Variants in AXDND1 observed in about 807,000 individuals in gnomAD.
AXDND1 encodes the protein axonemal dynein light chain domain-containing protein 1.
A neutral mutation model predicts 137.5 loss-of-function variants in AXDND1; 110 were observed. The ratio of observed to expected loss-of-function variants is 0.80; its 90% CI spans 0.69 to 0.94. The LOEUF is 0.94. Among genes scored for constraint, AXDND1 ranks in the 40% least tolerant of loss-of-function variants. The pLI is 0.00. For synonymous variants in AXDND1, 414 were observed against 399.7 expected, an observed-to-expected ratio of 1.04 and a Z score of -0.43; for missense variants, 1,191 against 1,169.8, an observed-to-expected ratio of 1.02 and a Z score of -0.26.
chr1:179,439,273 A>C (rs1298503175), intron 15 of AXDND1, among the ~76,000 whole-genome samples: 1 of 152,192 alleles, frequency 6.6e-6, no homozygotes, highest in Middle Eastern at 3.2e-3. Flanking sequence ...CACCAGTTAC[A>C]TTAATAGAAC....
At chr1:179,552,646 G>A in intron 25 of AXDND1, 2 of 1,614,012 alleles carry the variant, frequency 1.2e-6, no homozygotes, top group African/African-American at 1.3e-5. Context: ...CACAGCCAGT[G>A]AGTGCTGAAG....
chr1:179,483,167 G>A lies in AXDND1; in HGVS notation c.2037G>A (p.Trp679Ter). ...QAYIFNMIQQWLLKIGNEINN... is the reference protein window; with the variant it reads ...QAYIFNMIQQ ...ATATATTTAACATGATTCAACAATG[G>A]CTTTTGAAGATAGGCAATGAAATTA... Residue 679 changes from tryptophan to a stop codon, truncating the protein, a stop_gained, in exon 18 of 26, where the codon TGG becomes TGA. Coordinates refer to ENST00000367618, the MANE Select transcript of AXDND1 (RefSeq NM_144696.6). LOFTEE classifies it high-confidence loss of function. The A allele has an allele frequency of 1.2e-6, 2 of 1,609,432 alleles. No homozygotes were observed. Among genetic ancestry groups the A allele is most frequent in the Non-Finnish European group, 1.7e-6 (2 of 1,177,608 alleles).
chr1:179,493,020 A>G (rs566263006), intron 20 of AXDND1, 69 bp downstream of exon 20: 24 of 1,021,978 alleles, frequency 2.3e-5, no homozygotes, highest in East Asian at 2.2e-4. Context: ...TTGAAGTTCA[A>G]TTGATGTACA....
chr1:179,486,611 A>T (rs558692901), intron 18 of AXDND1, among the ~76,000 whole-genome samples: 2 of 148,994 alleles, frequency 1.3e-5, no homozygotes, highest in Non-Finnish European at 3.0e-5. Context: ...AGCAAACTCC[A>T]TAAGGCTAAC....
At chr1:179,397,320 C>T (rs1651215975) in intron 11 of AXDND1, among the ~76,000 whole-genome samples, 1 of 152,162 alleles carries the variant, frequency 6.6e-6, no homozygotes, top group African/African-American at 2.4e-5. Flanking sequence ...CTTCCAATCT[C>T]TTACGGCTTG....
chr1:179,378,101 G>A (rs1174137198), intron 4 of AXDND1, among the ~76,000 whole-genome samples: 1 of 152,114 alleles, frequency 6.6e-6, no homozygotes, highest in African/African-American at 2.4e-5. Context: ...TCCGGGAGGT[G>A]GAGGTTGTAG....
chr1:179,525,794 CAT>C (rs35491447), intron 22 of AXDND1, among the ~76,000 whole-genome samples: 1 of 141,378 alleles, frequency 7.1e-6, no homozygotes, highest in African/African-American at 2.6e-5. Flanking sequence ...ATGCTTGGAC[CAT>C]ATATATATAT....
chr1:179,390,576 T>C (rs1272759190), intron 9 of AXDND1, among the ~76,000 whole-genome samples: 1 of 152,210 alleles, frequency 6.6e-6, no homozygotes, highest in East Asian at 1.9e-4. Context: ...AAAATACAAA[T>C]ATGTAAGACA....
intron 25 of AXDND1, chr1:179,551,536 C>A: frequency 1.3e-6 from 2 of 1,493,920 alleles, no homozygotes; most frequent in Non-Finnish European, 1.9e-6. Context: ...AGCAGACAAG[C>A]ACTGAGCATC....
rs533175571 is a variant in AXDND1 at position 179,543,182 on chromosome 1, G to A, written c.3031+8220G>A. Reference sequence around the variant, plus strand: ...AGGAGCCTTGTGAATGCTGAGTAAAGAGAAGACCTGGACAGAGTAGGGGAT... The same window carrying A: ...AGGAGCCTTGTGAATGCTGAGTAAAAAGAAGACCTGGACAGAGTAGGGGAT... On this transcript the variant is annotated intron_variant, in intron 25 of 25. Coordinates refer to ENST00000367618, the MANE Select transcript of AXDND1 (RefSeq NM_144696.6). 4 of 152,310 alleles carry A rather than the reference G, an allele frequency of 2.6e-5. No individual in the cohort carries two copies. In the East Asian group the frequency reaches 7.7e-4, roughly 29 times the overall value. The allele number at this position is 152,310 out of a possible 1,614,324, so 9.4% of individuals were successfully genotyped here.
At chr1:179,457,341 G>T in intron 16 of AXDND1, 1 of 540,502 alleles carries the variant, frequency 1.9e-6, no homozygotes, top group Non-Finnish European at 3.3e-6. Context: ...CAAGACGGCC[G>T]GGAGAAGAGA....
intron 20 of AXDND1, 74 bp from the exon 21 acceptor site, chr1:179,509,222 T>C (rs1398247185): frequency 1.1e-6 from 1 of 870,922 alleles, no homozygotes; most frequent in African/African-American, 1.7e-5. Context: ...GGAATTGTAT[T>C]TATCAGTTCC....
chr1:179,388,692 A>T (rs1422504229), intron 9 of AXDND1, among the ~76,000 whole-genome samples: 1 of 150,764 alleles, frequency 6.6e-6, no homozygotes, highest in Non-Finnish European at 1.5e-5. Context: ...GGTTCAAGTG[A>T]TTCTTGTGCC....
At chr1:179,475,284 A>C (rs541625675) in intron 17 of AXDND1, among the ~76,000 whole-genome samples, 1 of 152,344 alleles carries the variant, frequency 6.6e-6, no homozygotes, top group South Asian at 2.1e-4. Flanking sequence ...TCCAGACCTC[A>C]GAATAGTAGA....
At chr1:179,480,448 C>G (rs1665230103) in intron 17 of AXDND1, among the ~76,000 whole-genome samples, 1 of 152,138 alleles carries the variant, frequency 6.6e-6, no homozygotes, top group African/African-American at 2.4e-5. Flanking sequence ...CAGTTATCTC[C>G]CACTGGGTCC....
At chr1:179,520,085 T>C (rs986190097) in intron 21 of AXDND1, among the ~76,000 whole-genome samples, 4 of 152,162 alleles carry the variant, frequency 2.6e-5, no homozygotes, top group African/African-American at 9.6e-5. Flanking sequence ...GTTCTCCTTT[T>C]AGAGATCTTT....
At chr1:179,374,543 C>T (rs1243963184) in intron 4 of AXDND1, among the ~76,000 whole-genome samples, 1 of 152,120 alleles carries the variant, frequency 6.6e-6, no homozygotes, top group African/African-American at 2.4e-5. Context: ...TATTGCGGCA[C>T]TATTCACAAT....
chr1:179,541,472 C>A (rs528420949), intron 25 of AXDND1, among the ~76,000 whole-genome samples: 31 of 143,440 alleles, frequency 2.2e-4, no homozygotes, highest in African/African-American at 7.1e-4. Context: ...CCGGAAAATC[C>A]GTTTTTGTTT....
At chr1:179,476,213 T>C (rs182298967) in intron 17 of AXDND1, among the ~76,000 whole-genome samples, 43 of 152,286 alleles carry the variant, frequency 2.8e-4, no homozygotes, top group African/African-American at 1.0e-3. Flanking sequence ...AAAAATACAT[T>C]GTTATAATTA....
Sources: allele counts gnomAD v4.1 joint callset (sites outside exome capture counted in the v4.1 genomes callset), GRCh38; gene constraint gnomAD v4.1.1; transcripts MANE v1.5; gene names NCBI Gene and HGNC (gene_info 2026-07-23, HGNC 2026-07-21).